MARCHF4: variants seen among roughly 807,000 people sequenced by gnomAD.
The protein encoded by MARCHF4 is E3 ubiquitin-protein ligase MARCHF4.
Under a neutral mutation model 43.9 loss-of-function variants are expected in MARCHF4, and 14 were observed. That is an observed-to-expected ratio of 0.32 (90% CI 0.21 to 0.50). MARCHF4 has a LOEUF of 0.50. Among genes scored for constraint, MARCHF4 ranks in the 20% least tolerant of loss-of-function variants. The pLI is 0.98. For missense variants in MARCHF4, 468 were observed against 536.7 expected (o/e 0.87, Z 1.27); for synonymous variants, 226 against 213.3 (o/e 1.06, Z -0.52).
intron 1 of MARCHF4, among the ~76,000 whole-genome samples, chr2:216,332,939 T>C (rs1244191850): frequency 3.9e-5 from 6 of 152,206 alleles, no homozygotes; most frequent in African/African-American, 1.4e-4. Flanking sequence ...TAATAAATAG[T>C]TGCTGTGTAA....
chr2:216,359,953 C>A (rs180785544), intron 1 of MARCHF4, among the ~76,000 whole-genome samples: 21 of 152,146 alleles, frequency 1.4e-4, no homozygotes, highest in Admixed American at 9.2e-4. Context: ...TCCTCCAGGG[C>A]CCACACCTCT....
At chr2:216,298,950 T>C (rs148849124) in intron 1 of MARCHF4, among the ~76,000 whole-genome samples, 1 of 152,292 alleles carries the variant, frequency 6.6e-6, no homozygotes, top group Non-Finnish European at 1.5e-5. Flanking sequence ...TTCAGGAGGA[T>C]GACACAAATT....
chr2:216,354,963 CTTTCTTTCTTTCTTTCTTTCTTTT>C (rs1692474310), intron 1 of MARCHF4, among the ~76,000 whole-genome samples: 2 of 129,030 alleles, frequency 1.6e-5, no homozygotes, highest in African/African-American at 6.3e-5. Flanking sequence ...TTCTTTCTTT[CTTTCTTTCTTTCTTTCTTTCTTTT>C]TTGAGACAGA....
intron 1 of MARCHF4, among the ~76,000 whole-genome samples, chr2:216,303,007 A>G (rs137972285): frequency 8.2e-4 from 125 of 152,056 alleles, no homozygotes; most frequent in African/African-American, 2.8e-3. Context: ...ATCACACCTC[A>G]ATTCCATTTC....
At chr2:216,279,019 G>A (rs207809) in intron 2 of MARCHF4, among the ~76,000 whole-genome samples, 294 of 152,130 alleles carry the variant, frequency 1.9e-3, no homozygotes, top group African/African-American at 6.4e-3. Context: ...AACAGACAAG[G>A]TGCCTGCCCC....
In MARCHF4 at chr2:216,276,984, A is replaced by C. The variant is rs890566764; in HGVS notation, c.865+688T>G. On this transcript the variant is annotated intron_variant, in intron 3 of 3. Coordinates refer to ENST00000273067, the MANE Select transcript of MARCHF4 (RefSeq NM_020814.3). ...CAGTAGGTTCCAATTTTTTTTTTCT[A>C]AAACACTGAAACCTTTTAAACGAAA... Among the ~76,000 whole-genome samples the C allele has an allele frequency of 2.0e-5, 3 of 152,086 alleles. No individual in the cohort carries two copies. In the East Asian group the frequency reaches 5.8e-4, roughly 29 times the overall value.
chr2:216,372,145 G>T lies in MARCHF4; in HGVS notation c.-1885C>A, dbSNP rs1313356919. 1 of 152,460 alleles carries T rather than the reference G, an allele frequency of 6.6e-6. No homozygotes were observed. The highest frequency in any genetic ancestry group is 1.5e-5 in the Non-Finnish European group (1 of 68,218). 9.4% of individuals were successfully genotyped at this position (152,460 alleles called of 1,614,324 possible). ...AGATTCCAGGCTGCTGCCAGGTGTT[G>T]TCTCGTCTTCCGCCGTTGCTCAGCA... On this transcript the variant is annotated 5_prime_UTR_variant, in exon 1 of 4. Transcript: ENST00000273067.
intron 3 of MARCHF4, among the ~76,000 whole-genome samples, chr2:216,272,050 A>ATC (rs1177685421): frequency 1.4e-5 from 2 of 147,074 alleles, no homozygotes; most frequent in East Asian, 4.0e-4. Context: ...AGGCTTAGAG[A>ATC]TCTCTAAAAA....
chr2:216,309,188 A>C (rs901308921), intron 1 of MARCHF4, among the ~76,000 whole-genome samples: 1 of 152,052 alleles, frequency 6.6e-6, no homozygotes, highest in African/African-American at 2.4e-5. Context: ...TTCTGGAAAA[A>C]CCTAATTAAT....
At chr2:216,262,297 G>C (rs1418869709) in intron 3 of MARCHF4, among the ~76,000 whole-genome samples, 1 of 152,194 alleles carries the variant, frequency 6.6e-6, no homozygotes. Context: ...CTGGTTGTGT[G>C]ATTTTTCTCC....
chr2:216,259,326 C>T lies in MARCHF4; in HGVS notation c.1219G>A (p.Val407Ile), dbSNP rs758718165. 1 of 1,550,516 alleles carries T rather than the reference C, an allele frequency of 6.4e-7. No homozygotes were observed. Among genetic ancestry groups the T allele is most frequent in the Non-Finnish European group, 8.7e-7 (1 of 1,145,978 alleles). The change falls in exon 4 of 4, where the codon GTC becomes ATC. Residue 407 changes from valine (V) to isoleucine (I), a missense_variant. Val to Ile is a conservative substitution (Grantham distance 29). Coordinates refer to ENST00000273067, the MANE Select transcript of MARCHF4 (RefSeq NM_020814.3). Reference sequence around the variant, plus strand: ...GGCCTCTGCTCTCACACTGTCGTGACTCTCATGACCAGCTCTCGGCTGCTG... The same window carrying T: ...GGCCTCTGCTCTCACACTGTCGTGATTCTCATGACCAGCTCTCGGCTGCTG... ...PGSSRELVMR[V>I]TTV
At chr2:216,266,807 T>A (rs1690852509) in intron 3 of MARCHF4, among the ~76,000 whole-genome samples, 1 of 152,010 alleles carries the variant, frequency 6.6e-6, no homozygotes. Context: ...GTTCAGGGGG[T>A]ACTGCTGGGA....
intron 1 of MARCHF4, chr2:216,303,728 G>A (rs1234144662): frequency 6.6e-6 from 1 of 152,182 alleles, no homozygotes; most frequent in Non-Finnish European, 1.5e-5. Flanking sequence ...CTTGCCAAGT[G>A]AGCTGCTGTT....
chr2:216,338,249 T>C (rs1394900971), intron 1 of MARCHF4, among the ~76,000 whole-genome samples: 1 of 152,196 alleles, frequency 6.6e-6, no homozygotes, highest in Non-Finnish European at 1.5e-5. Context: ...GCCCAGGTGC[T>C]GTGTGGTCAC....
chr2:216,311,288 C>T (rs2105956345), intron 1 of MARCHF4, among the ~76,000 whole-genome samples: 1 of 152,154 alleles, frequency 6.6e-6, no homozygotes, highest in South Asian at 2.1e-4. Context: ...GTCAGAGTCT[C>T]ACTCTGTCAT....
At chr2:216,275,354 C>A (rs1691002782) in intron 3 of MARCHF4, among the ~76,000 whole-genome samples, 1 of 152,140 alleles carries the variant, frequency 6.6e-6, no homozygotes, top group Admixed American at 6.5e-5. Flanking sequence ...CTGGGAGGCT[C>A]AGAGCCATGG....
rs571229473 is a variant in MARCHF4, at chr2:216,327,011, G to A, written c.516+42734C>T. ...ATAACAAAAAATAATAGTATCTACCGTATAAGTTACTGTGAGGATAAAATA... is the reference window on the plus strand; with the variant it reads ...ATAACAAAAAATAATAGTATCTACCATATAAGTTACTGTGAGGATAAAATA... On this transcript the variant is annotated intron_variant, in intron 1 of 3. Coordinates refer to ENST00000273067, the MANE Select transcript of MARCHF4 (RefSeq NM_020814.3). 8.5e-5 allele frequency among the ~76,000 whole-genome samples: 13 copies of A among 152,124 alleles called. No homozygotes were observed. The East Asian group carries it at 1.9e-3, about 23-fold the overall frequency.
intron 1 of MARCHF4, among the ~76,000 whole-genome samples, chr2:216,333,120 C>T (rs1345541998): frequency 2.0e-5 from 3 of 151,914 alleles, no homozygotes; most frequent in Non-Finnish European, 4.4e-5. Flanking sequence ...TACATACACA[C>T]AAATACCATT....
chr2:216,350,631 G>A (rs868791857), intron 1 of MARCHF4, among the ~76,000 whole-genome samples: 1 of 152,182 alleles, frequency 6.6e-6, no homozygotes, highest in Middle Eastern at 3.4e-3. Context: ...CCACCTCTCT[G>A]GTCTGCTGTT....
Sources: gnomAD v4.1 joint callset for allele counts (sites outside exome capture counted in the v4.1 genomes callset) on GRCh38, gnomAD v4.1.1 for gene constraint, MANE v1.5 for transcripts, NCBI Gene and HGNC (gene_info 2026-07-23, HGNC 2026-07-21) for gene names.